Variants in ACTR3 observed in about 807,000 individuals in gnomAD.
The protein encoded by ACTR3 is actin related protein 3, also known as actin-related protein 3.
ACTR3 carries 12 observed loss-of-function variants against 56.8 expected under a neutral mutation model. That is an observed-to-expected ratio of 0.21 (90% CI 0.14 to 0.34). ACTR3 has a LOEUF of 0.34. Ranked by LOEUF, ACTR3 falls within the 10% of genes least tolerant of loss-of-function variation. The pLI, the probability that ACTR3 is intolerant of heterozygous loss-of-function variation, is 1.00. For synonymous variants in ACTR3, 162 were observed against 167.4 expected, an observed-to-expected ratio of 0.97 and a Z score of 0.25; for missense variants, 282 against 512.5, an observed-to-expected ratio of 0.55 and a Z score of 4.34.
chr2:113,937,653 A>G (rs541700306), intron 6 of ACTR3, among the ~76,000 whole-genome samples: 3 of 152,172 alleles, frequency 2.0e-5, no homozygotes, highest in Admixed American at 2.0e-4. Flanking sequence ...TCCCCTGTAG[A>G]TGTCACTCCA....
chr2:113,943,216 T>C (rs1679956625), intron 8 of ACTR3, among the ~76,000 whole-genome samples: 3 of 152,158 alleles, frequency 2.0e-5, no homozygotes, highest in South Asian at 2.1e-4. Context: ...GGGGAGATAA[T>C]GGTTGAACTG....
Position 113,959,949 on chromosome 2 carries a change from GA to G in ACTR3, c.*2495del, listed in dbSNP as rs1680296438. On this transcript the variant is annotated 3_prime_UTR_variant, in exon 12 of 12. Coordinates refer to ENST00000263238, the MANE Select transcript of ACTR3 (RefSeq NM_005721.5). ...AAATTATTTGAACTCTCTGGACCTT[GA>G]TTCAATTTATATATAAGGTAAAGGC... 6.6e-6 allele frequency: 1 copy of G among 151,946 alleles called. No individual in the cohort carries two copies. The allele number at this position is 151,946 out of a possible 1,614,324, so 9.4% of individuals were successfully genotyped here.
chr2:113,918,954 G>C (rs1212989331), intron 3 of ACTR3, among the ~76,000 whole-genome samples: 1 of 152,152 alleles, frequency 6.6e-6, no homozygotes, highest in East Asian at 1.9e-4. Flanking sequence ...CACACACACA[G>C]ACATTTAACT....
At chr2:113,911,780 A>T (rs180912432) in intron 1 of ACTR3, among the ~76,000 whole-genome samples, 81 of 152,196 alleles carry the variant, frequency 5.3e-4, no homozygotes, top group African/African-American at 1.8e-3. Context: ...TCTGTCTCCC[A>T]GGCTGGAGTG....
intron 1 of ACTR3, among the ~76,000 whole-genome samples, chr2:113,902,663 G>A (rs1302902394): frequency 6.6e-6 from 1 of 151,674 alleles, no homozygotes; most frequent in Non-Finnish European, 1.5e-5. Flanking sequence ...GCAGTGACGT[G>A]ATCTTGGCTC....
intron 7 of ACTR3, among the ~76,000 whole-genome samples, chr2:113,940,994 G>A (rs6735673): frequency 0.026 from 4,013 of 151,886 alleles, 143 homozygotes; most frequent in African/African-American, 0.076. Flanking sequence ...CTAAGTTTTT[G>A]TAGAGATGGA....
At chr2:113,956,376 A>AT (rs1680213695) in intron 11 of ACTR3, among the ~76,000 whole-genome samples, 1 of 150,538 alleles carries the variant, frequency 6.6e-6, no homozygotes, top group African/African-American at 2.5e-5. Flanking sequence ...ATTTGAATTT[A>AT]ATTTTTTTTT....
At chr2:113,947,496 A>G (rs1018240026) in intron 8 of ACTR3, among the ~76,000 whole-genome samples, 3 of 152,216 alleles carry the variant, frequency 2.0e-5, no homozygotes, top group African/African-American at 7.2e-5. Context: ...TACCAAAAAA[A>G]TACAAAAAAT....
At chr2:113,942,083 GT>G (rs70937252) in intron 7 of ACTR3, 102 bp from the exon 8 acceptor site, 78,178 of 739,408 alleles carry the variant, frequency 0.11, 889 homozygotes, top group African/African-American at 0.12. Context: ...TTTCTGAAGA[GT>G]TTTTTTTTTT....
chr2:113,915,423 C>T (rs371648813), intron 2 of ACTR3, among the ~76,000 whole-genome samples: 60 of 152,270 alleles, frequency 3.9e-4, no homozygotes, highest in African/African-American at 1.2e-3. Context: ...TATTAGGGGC[C>T]ACCTTGATAA....
intron 6 of ACTR3, among the ~76,000 whole-genome samples, chr2:113,935,243 T>C (rs1269751328): frequency 6.8e-6 from 1 of 148,064 alleles, no homozygotes; most frequent in Non-Finnish European, 1.5e-5. Flanking sequence ...TTCACTTCTT[T>C]AGAGTGTACA....
At chr2:113,890,590 CT>C in intron 1 of ACTR3, 3 of 1,350,436 alleles carry the variant, frequency 2.2e-6, no homozygotes, top group Non-Finnish European at 1.9e-6. Context: ...CCTCCCGGCC[CT>C]TCCCCCACTA....
At chr2:113,890,455 A>C in intron 1 of ACTR3, 132 bp downstream of exon 1, 1 of 1,273,814 alleles carries the variant, frequency 7.9e-7, no homozygotes, top group Non-Finnish European at 1.0e-6. Context: ...CCCGCCGGCC[A>C]GCGAGGGGTG....
At chr2:113,920,214 C>T (rs1207045439) in intron 3 of ACTR3, among the ~76,000 whole-genome samples, 8 of 152,154 alleles carry the variant, frequency 5.3e-5, no homozygotes, top group African/African-American at 1.4e-4. Context: ...TGAGCCACTG[C>T]GTCCGGCCTT....
chr2:113,895,064 C>CG (rs1678981262), intron 1 of ACTR3, among the ~76,000 whole-genome samples: 1 of 100,496 alleles, frequency 1.0e-5, no homozygotes, highest in South Asian at 4.0e-4. Flanking sequence ...TAGGTTCCCC[C>CG]CCCCCACCCC....
At chr2:113,927,912 C>CT in intron 4 of ACTR3, among the ~76,000 whole-genome samples, 1 of 152,210 alleles carries the variant, frequency 6.6e-6, no homozygotes, top group South Asian at 2.1e-4. Context: ...CAAAATAACA[C>CT]TTTCCTTTCT....
At chr2:113,904,547 G>A (rs994872381) in intron 1 of ACTR3, 3 of 152,104 alleles carry the variant, frequency 2.0e-5, no homozygotes, top group African/African-American at 7.2e-5. Flanking sequence ...GAACTATTCT[G>A]TTGTGAACAT....
rs1319512288 is a variant in ACTR3 at position 113,959,762 on chromosome 2, CTG to C, written c.*2309_*2310del. The stretch of plus-strand genomic sequence containing the variant: ...GGTTGGCCAAGGTGAACTAAATAGT[CTG>C]TAACATTGATTAGATATCAAGCAAC... On this transcript the variant is annotated 3_prime_UTR_variant, in exon 12 of 12. Transcript: ENST00000263238. 2.0e-5 allele frequency: 3 copies of C among 151,992 alleles called. No homozygotes were observed. Among genetic ancestry groups the C allele is most frequent in the Non-Finnish European group, 4.4e-5 (3 of 67,904 alleles). The allele number at this position is 151,992 out of a possible 1,614,324, so 9.4% of individuals were successfully genotyped here.
intron 1 of ACTR3, among the ~76,000 whole-genome samples, chr2:113,902,753 C>T (rs1480328060): frequency 6.6e-6 from 1 of 152,134 alleles, no homozygotes; most frequent in Non-Finnish European, 1.5e-5. Flanking sequence ...GTGCCCGTCA[C>T]CACGCCTGGC....
Sources: gnomAD v4.1 joint callset for allele counts (sites outside exome capture counted in the v4.1 genomes callset) on GRCh38, gnomAD v4.1.1 for gene constraint, MANE v1.5 for transcripts, NCBI Gene and HGNC (gene_info 2026-07-23, HGNC 2026-07-21) for gene names.